Variants in SYNPR observed in about 807,000 individuals in gnomAD.
SYNPR encodes synaptoporin.
In SYNPR, 23 loss-of-function variants were observed where a neutral mutation model predicts 32.9. That is an observed-to-expected ratio of 0.70 (90% CI 0.50 to 0.99). The LOEUF is 0.99. SYNPR is among the 50% of genes least tolerant of loss of function. The pLI is 0.00. For synonymous variants in SYNPR, 146 were observed against 135.9 expected (o/e 1.07, Z -0.52); for missense variants, 318 against 349.3 (o/e 0.91, Z 0.71).
chr3:63,255,972 C>T (rs1326864728), intron 2 of SYNPR, among the ~76,000 whole-genome samples: 1 of 152,214 alleles, frequency 6.6e-6, no homozygotes. Context: ...TCACTCATTG[C>T]TAGCACAGCA....
chr3:63,321,147 G>A (rs1048398344), intron 2 of SYNPR, among the ~76,000 whole-genome samples: 1 of 151,912 alleles, frequency 6.6e-6, no homozygotes. Context: ...ATAAAGGGAG[G>A]ACCTTACGTA....
intron 2 of SYNPR, among the ~76,000 whole-genome samples, chr3:63,266,647 C>T (rs2086487166): frequency 1.4e-5 from 2 of 145,262 alleles, no homozygotes; most frequent in African/African-American, 2.5e-5. Flanking sequence ...GTGGAGGTTG[C>T]AGTGAGCTGA....
At chr3:63,245,680 T>TGAGAGAGAGAGAGAGAGAGAGA (rs71992869) in intron 1 of SYNPR, among the ~76,000 whole-genome samples, 3 of 123,286 alleles carry the variant, frequency 2.4e-5, no homozygotes, top group Non-Finnish European at 3.4e-5. Context: ...CTTTGTCAAG[T>TGAGAGAGAGAGAGAGAGAGAGA]GAGAGAGAGA....
intron 2 of SYNPR, among the ~76,000 whole-genome samples, chr3:63,304,475 A>G (rs1272394632): frequency 6.6e-6 from 1 of 152,002 alleles, no homozygotes; most frequent in Non-Finnish European, 1.5e-5. Context: ...CAGGCCAAAG[A>G]AATGGCATAA....
chr3:63,476,592 C>T (rs1455117740), intron 2 of SYNPR, among the ~76,000 whole-genome samples: 4 of 151,936 alleles, frequency 2.6e-5, no homozygotes, highest in South Asian at 4.2e-4. Context: ...CAACTCTTAC[C>T]GATGTGGCAA....
chr3:63,295,806 A>G (rs999941248), intron 2 of SYNPR, among the ~76,000 whole-genome samples: 3 of 152,248 alleles, frequency 2.0e-5, no homozygotes, highest in African/African-American at 7.2e-5. Context: ...ATGAGATTAG[A>G]TGTTTCCCAC....
At chr3:63,490,374 T>G (rs1701236559) in intron 3 of SYNPR, among the ~76,000 whole-genome samples, 1 of 151,948 alleles carries the variant, frequency 6.6e-6, no homozygotes, top group Admixed American at 6.6e-5. Flanking sequence ...TTGAGTGAAA[T>G]GGGAAGGCAT....
chr3:63,545,126 C>A (rs542736005), intron 3 of SYNPR, among the ~76,000 whole-genome samples: 1 of 151,798 alleles, frequency 6.6e-6, no homozygotes, highest in Non-Finnish European at 1.5e-5. Context: ...ATTGCTGGGA[C>A]TGATACTTGA....
At chr3:63,574,668 C>T (rs150395785) in intron 4 of SYNPR, among the ~76,000 whole-genome samples, 304 of 152,252 alleles carry the variant, frequency 2.0e-3, no homozygotes, top group African/African-American at 6.8e-3. Flanking sequence ...GCCTCTACCA[C>T]CATATCATAA....
chr3:63,354,131 A>C (rs1230488675), intron 2 of SYNPR, among the ~76,000 whole-genome samples: 1 of 152,212 alleles, frequency 6.6e-6, no homozygotes, highest in Non-Finnish European at 1.5e-5. Context: ...TATAGAGTAC[A>C]TTCATTAGTG....
intron 3 of SYNPR, among the ~76,000 whole-genome samples, chr3:63,510,061 T>C (rs573554542): frequency 6.6e-6 from 1 of 152,210 alleles, no homozygotes; most frequent in South Asian, 2.1e-4. Flanking sequence ...TGGAGGCTTA[T>C]ATTTAAGAGT....
At chr3:63,279,573 T>C (rs1039625882) in intron 2 of SYNPR, among the ~76,000 whole-genome samples, 4 of 152,224 alleles carry the variant, frequency 2.6e-5, no homozygotes, top group Non-Finnish European at 4.4e-5. Context: ...ATGATGGTTA[T>C]TCAGAATGAA....
chr3:63,401,412 C>A (rs575565459), intron 2 of SYNPR, among the ~76,000 whole-genome samples: 1 of 152,092 alleles, frequency 6.6e-6, no homozygotes, highest in African/African-American at 2.4e-5. Flanking sequence ...ATGTCTATTG[C>A]CAAATAGAAC....
intron 3 of SYNPR, among the ~76,000 whole-genome samples, chr3:63,494,498 C>CAT (rs1464300565): frequency 2.3e-4 from 25 of 107,172 alleles, no homozygotes; most frequent in African/African-American, 7.9e-4. Context: ...CATATATATA[C>CAT]ATATATACAT....
At chr3:63,591,922 A>T (rs1699835579) in intron 4 of SYNPR, among the ~76,000 whole-genome samples, 1 of 68,850 alleles carries the variant, frequency 1.5e-5, no homozygotes, top group African/African-American at 6.7e-5. Context: ...AAAGTATAAT[A>T]AAAAAAAAAA....
intron 2 of SYNPR, among the ~76,000 whole-genome samples, chr3:63,334,338 G>T (rs2087261386): frequency 6.6e-6 from 1 of 152,228 alleles, no homozygotes; most frequent in African/African-American, 2.4e-5. Context: ...GAGAGAGTAT[G>T]ACTTGGGTGT....
At chr3:63,248,467 A>G (rs2086307530) in intron 1 of SYNPR, among the ~76,000 whole-genome samples, 1 of 152,146 alleles carries the variant, frequency 6.6e-6, no homozygotes, top group Non-Finnish European at 1.5e-5. Context: ...ATGCATAAGT[A>G]TGAATTACAA....
intron 2 of SYNPR, among the ~76,000 whole-genome samples, chr3:63,315,278 G>A (rs948632629): frequency 1.3e-5 from 2 of 151,848 alleles, no homozygotes; most frequent in South Asian, 2.1e-4. Context: ...GAAGAATGAT[G>A]GTGGTATTTT....
intron 2 of SYNPR, among the ~76,000 whole-genome samples, chr3:63,320,271 C>G (rs1011606525): frequency 5.3e-5 from 8 of 151,914 alleles, no homozygotes; most frequent in African/African-American, 1.9e-4. Context: ...TTCACTATTT[C>G]CTGATTATAA....
Sources: allele counts gnomAD v4.1 joint callset (sites outside exome capture counted in the v4.1 genomes callset), GRCh38; gene constraint gnomAD v4.1.1; transcripts MANE v1.5; gene names NCBI Gene and HGNC (gene_info 2026-07-23, HGNC 2026-07-21).